Variants in ITM2B observed in about 807,000 individuals in gnomAD.
ITM2B encodes the protein ABri/ADan amyloid peptide.
Under a neutral mutation model 27.8 loss-of-function variants are expected in ITM2B, and 11 were observed. The observed-to-expected ratio is 0.40, with a 90% confidence interval of 0.25 to 0.66. The LOEUF (loss-of-function observed/expected upper bound fraction) is 0.66, where lower values mean the gene tolerates loss of function less well. ITM2B is among the 30% of genes least tolerant of loss of function. ITM2B has a pLI of 0.43. For synonymous variants in ITM2B, 114 were observed against 114.3 expected (o/e 1.00, Z 0.02); for missense variants, 296 against 328.9 (o/e 0.90, Z 0.77).
chr13:48,254,026 A>C, intron 2 of ITM2B, 90 bp downstream of exon 2: 1 of 1,281,600 alleles, frequency 7.8e-7, no homozygotes, highest in Non-Finnish European at 1.1e-6. Context: ...ACTTGCGCTA[A>C]GCTTGTACTT....
At chr13:48,242,333 C>A (rs79631542) in intron 1 of ITM2B, among the ~76,000 whole-genome samples, 3,258 of 152,206 alleles carry the variant, frequency 0.021, 111 homozygotes, top group African/African-American at 0.073. Flanking sequence ...TCCTCAGACT[C>A]TGACAGCAGT....
chr13:48,254,678 A>G (rs1476924934), intron 2 of ITM2B, among the ~76,000 whole-genome samples: 1 of 152,138 alleles, frequency 6.6e-6, no homozygotes, highest in Non-Finnish European at 1.5e-5. Context: ...TAGACTTATT[A>G]AAATAATTTA....
rs1406791195 is a variant in ITM2B, at chr13:48,264,164, A to G, written c.*2940A>G. 6.6e-6 allele frequency: 1 copy of G among 152,202 alleles called. No individual in the cohort carries two copies. The highest frequency in any genetic ancestry group is 1.5e-5 in the Non-Finnish European group (1 of 68,036). The allele number at this position is 152,202 out of a possible 1,614,324, so 9.4% of individuals were successfully genotyped here. On this transcript the variant is annotated 3_prime_UTR_variant, in exon 6 of 6. Transcript: ENST00000647800. ...TAAGAGGTGGCTGAGAATTAAAATA[A>G]TAGGCATGAAAATGCTTCATACAGC... is the stretch of plus-strand genomic sequence containing the variant.
At chr13:48,255,597 C>T (rs750250126) in intron 2 of ITM2B, among the ~76,000 whole-genome samples, 39 of 152,082 alleles carry the variant, frequency 2.6e-4, no homozygotes, top group African/African-American at 7.0e-4. Flanking sequence ...TTACTGCACC[C>T]GACCTTATGT....
Position 48,268,635 on chromosome 13 carries a change from C to G in ITM2B, c.*7411C>G, listed in dbSNP as rs370569950. On this transcript the variant is annotated 3_prime_UTR_variant, in exon 6 of 6. Transcript: ENST00000647800. ...AGTATTCCATTTTTTGTGTATACCA[C>G]AATTTATCATTTTTTTCTGTGTAGG... 7.2e-4 allele frequency: 109 copies of G among 152,180 alleles called. 7 individuals carry two copies. Among genetic ancestry groups the G allele is most frequent in the East Asian group, 2.7e-3 (14 of 5,176 alleles). 9.4% of individuals were successfully genotyped at this position (152,180 alleles called of 1,614,324 possible).
In ITM2B at chr13:48,263,668, G is replaced by C. The variant is rs1488819369; in HGVS notation, c.*2444G>C. On this transcript the variant is annotated 3_prime_UTR_variant, in exon 6 of 6. Transcript: ENST00000647800. The stretch of plus-strand genomic sequence containing the variant: ...CTTGTTTCTCACAGTTCCAGAAGCT[G>C]GAAAGTTCAAGATCAAGTCACCTGC... 2 of 152,244 alleles carry C rather than the reference G, an allele frequency of 1.3e-5. No homozygotes were observed. Among genetic ancestry groups the C allele is most frequent in the Admixed American group, 6.5e-5 (1 of 15,268 alleles). The allele number at this position is 152,244 out of a possible 1,614,324, so 9.4% of individuals were successfully genotyped here.
chr13:48,254,338 C>T (rs972942783), intron 2 of ITM2B, among the ~76,000 whole-genome samples: 13 of 152,162 alleles, frequency 8.5e-5, no homozygotes, highest in African/African-American at 3.1e-4. Context: ...CCCTATGGTC[C>T]TGCTGTACCC....
intron 1 of ITM2B, among the ~76,000 whole-genome samples, chr13:48,238,225 T>C (rs1383161294): frequency 2.0e-5 from 3 of 152,200 alleles, no homozygotes; most frequent in Non-Finnish European, 4.4e-5. Context: ...TCCCTTTTAA[T>C]TAGTACTTAC....
At chr13:48,239,068 C>T (rs866559717) in intron 1 of ITM2B, among the ~76,000 whole-genome samples, 1 of 152,148 alleles carries the variant, frequency 6.6e-6, no homozygotes, top group South Asian at 2.1e-4. Flanking sequence ...TCTGCAGTAT[C>T]CAAAAGCAGA....
rs1951873839 is a variant in ITM2B, at chr13:48,269,758, C to T, written c.*8534C>T. ...ATTAGGTATTGCCTGATCACCTTTT[C>T]TAAAGTGAGTCTCACCTCCACCCTC... On this transcript the variant is annotated 3_prime_UTR_variant, in exon 6 of 6. Coordinates refer to ENST00000647800, the MANE Select transcript of ITM2B (RefSeq NM_021999.5). The T allele has an allele frequency of 6.6e-6, 1 of 152,416 alleles. No homozygotes were observed. Among genetic ancestry groups the T allele is most frequent in the Admixed American group, 6.5e-5 (1 of 15,298 alleles). 9.4% of individuals were successfully genotyped at this position (152,416 alleles called of 1,614,324 possible).
intron 1 of ITM2B, among the ~76,000 whole-genome samples, chr13:48,247,084 C>G (rs2137985644): frequency 6.6e-6 from 1 of 152,294 alleles, no homozygotes; most frequent in African/African-American, 2.4e-5. Flanking sequence ...CCTCAGTCTC[C>G]CAAAGTGCTG....
At position 48,267,334 on chromosome 13, in the gene ITM2B, C is replaced by A. The variant is rs1307466039; in HGVS notation, c.*6110C>A. 6.6e-6 allele frequency: 1 copy of A among 152,288 alleles called. No homozygotes were observed. Among genetic ancestry groups the A allele is most frequent in the African/African-American group, 2.4e-5 (1 of 41,560 alleles). The allele number at this position is 152,288 out of a possible 1,614,324, so 9.4% of individuals were successfully genotyped here. On this transcript the variant is annotated 3_prime_UTR_variant, in exon 6 of 6. Transcript: ENST00000647800. Reference sequence around the variant, plus strand: ...CAGCTACAACTTATCTAGTTTTAATCAACTCCAGGGAACATTACACTTTAT... The same window carrying A: ...CAGCTACAACTTATCTAGTTTTAATAAACTCCAGGGAACATTACACTTTAT...
At chr13:48,238,301 A>T (rs1457339195) in intron 1 of ITM2B, among the ~76,000 whole-genome samples, 1 of 152,202 alleles carries the variant, frequency 6.6e-6, no homozygotes, top group Admixed American at 6.5e-5. Context: ...TGTTATCAAC[A>T]ATTGAATGAA....
intron 1 of ITM2B, among the ~76,000 whole-genome samples, chr13:48,234,192 C>T (rs937353942): frequency 6.6e-6 from 1 of 152,118 alleles, no homozygotes; most frequent in Non-Finnish European, 1.5e-5. Context: ...ACTCCTGCTG[C>T]GTGAAACTAA....
intron 1 of ITM2B, among the ~76,000 whole-genome samples, chr13:48,247,196 A>G (rs1951729360): frequency 6.6e-6 from 1 of 152,120 alleles, no homozygotes; most frequent in Non-Finnish European, 1.5e-5. Context: ...GCTGTTTTGG[A>G]AAGCATTATA....
chr13:48,254,203 C>A (rs1052966864), intron 2 of ITM2B, among the ~76,000 whole-genome samples: 13 of 152,106 alleles, frequency 8.5e-5, no homozygotes, highest in African/African-American at 2.9e-4. Context: ...ATTTTACTAA[C>A]CTTTATTTTC....
At chr13:48,234,449 T>G (rs972278176) in intron 1 of ITM2B, among the ~76,000 whole-genome samples, 1 of 152,154 alleles carries the variant, frequency 6.6e-6, no homozygotes, top group Non-Finnish European at 1.5e-5. Flanking sequence ...CTTATCTTAT[T>G]TTTTGTTGTT....
Position 48,261,648 on chromosome 13 carries a change from T to C in ITM2B, c.*424T>C, listed in dbSNP as rs1593397957. ...CTGCTACCTAGTTTGTTAGTGCATT[T>C]GAGCACACATTTTAATTTTCCTCTA... On this transcript the variant is annotated 3_prime_UTR_variant, in exon 6 of 6. Transcript: ENST00000647800. 2 of 154,480 alleles carry C rather than the reference T, an allele frequency of 1.3e-5. No homozygotes were observed. Among genetic ancestry groups the C allele is most frequent in the South Asian group, 4.0e-4 (2 of 4,996 alleles). 9.6% of individuals were successfully genotyped at this position (154,480 alleles called of 1,614,324 possible). A position where few individuals can be genotyped will look rare whatever the true frequency, so the allele number is the denominator to read the frequency against.
intron 1 of ITM2B, among the ~76,000 whole-genome samples, chr13:48,246,785 A>G (rs990454197): frequency 1.3e-5 from 2 of 152,146 alleles, no homozygotes; most frequent in African/African-American, 2.4e-5. Flanking sequence ...AAAAAAAGAT[A>G]AGAGAGAAGT....
Sources: allele counts gnomAD v4.1 joint callset (sites outside exome capture counted in the v4.1 genomes callset), GRCh38; gene constraint gnomAD v4.1.1; transcripts MANE v1.5; gene names NCBI Gene and HGNC (gene_info 2026-07-23, HGNC 2026-07-21).